The following FYN variants were observed in gnomAD, a reference collection of about 807,000 sequenced individuals.
The protein encoded by FYN is FYN proto-oncogene, Src family tyrosine kinase.
A neutral mutation model predicts 70.2 loss-of-function variants in FYN; 10 were observed. That is an observed-to-expected ratio of 0.14 (90% CI 0.09 to 0.24). The LOEUF is 0.24. Ranked by LOEUF, FYN falls within the 10% of genes least tolerant of loss-of-function variation. The pLI is 1.00. For missense variants in FYN, 319 were observed against 673.1 expected, an observed-to-expected ratio of 0.47 and a Z score of 5.82; for synonymous variants, 236 against 248.6, an observed-to-expected ratio of 0.95 and a Z score of 0.48.
At chr6:111,672,385 G>A (rs184146190) in intron 13 of FYN, among the ~76,000 whole-genome samples, 4 of 152,328 alleles carry the variant, frequency 2.6e-5, no homozygotes, top group Admixed American at 1.3e-4. Context: ...TGCAGGAGCC[G>A]CTGGAGTTAG....
intron 8 of FYN, among the ~76,000 whole-genome samples, chr6:111,702,031 T>G (rs1016673283): frequency 3.3e-5 from 5 of 152,206 alleles, no homozygotes; most frequent in Non-Finnish European, 7.3e-5. Context: ...GTCTTGCCTT[T>G]GTCCTGGAGA....
intron 2 of FYN, among the ~76,000 whole-genome samples, chr6:111,844,360 C>T (rs774676562): frequency 8.5e-5 from 13 of 152,136 alleles, no homozygotes; most frequent in Non-Finnish European, 1.6e-4. Context: ...CTGGAGTTGG[C>T]CAACAGGTAT....
At chr6:111,735,627 C>T (rs1801675933) in intron 3 of FYN, among the ~76,000 whole-genome samples, 1 of 152,120 alleles carries the variant, frequency 6.6e-6, no homozygotes. Flanking sequence ...TAGACACATA[C>T]TGAAGCTGGG....
intron 2 of FYN, among the ~76,000 whole-genome samples, chr6:111,781,801 T>C (rs915627592): frequency 6.6e-6 from 1 of 152,224 alleles, no homozygotes. Flanking sequence ...TATACTCTTA[T>C]ACAGTTATCA....
At chr6:111,710,965 G>A (rs780410209) in intron 5 of FYN, among the ~76,000 whole-genome samples, 3 of 152,140 alleles carry the variant, frequency 2.0e-5, no homozygotes, top group African/African-American at 4.8e-5. Flanking sequence ...AAAGCCTGGC[G>A]CTGGTTTAGA....
chr6:111,720,170 G>T, intron 3 of FYN, 108 bp from the exon 4 acceptor site: 4 of 1,278,112 alleles, frequency 3.1e-6, no homozygotes, highest in Non-Finnish European at 4.2e-6. Context: ...GGCTATTTCA[G>T]GCCTATTAGG....
At chr6:111,838,934 T>G (rs534047880) in intron 2 of FYN, among the ~76,000 whole-genome samples, 1 of 152,356 alleles carries the variant, frequency 6.6e-6, no homozygotes, top group East Asian at 1.9e-4. Flanking sequence ...ATCATATCAA[T>G]TTTACGATTC....
chr6:111,849,054 C>T (rs1773611271), intron 1 of FYN, among the ~76,000 whole-genome samples: 1 of 152,186 alleles, frequency 6.6e-6, no homozygotes, highest in South Asian at 2.1e-4. Context: ...TGTAGTTACA[C>T]AGACATTTTA....
At chr6:111,702,267 T>C (rs771312138) in intron 8 of FYN, 2 of 152,214 alleles carry the variant, frequency 1.3e-5, no homozygotes, top group African/African-American at 2.4e-5. Context: ...AATAATTATA[T>C]GTTTTCAGAA....
chr6:111,772,680 G>A (rs138913903), intron 3 of FYN, among the ~76,000 whole-genome samples: 1 of 152,182 alleles, frequency 6.6e-6, no homozygotes, highest in South Asian at 2.1e-4. Context: ...AGGAAGAGAA[G>A]AGCATGCTAA....
intron 2 of FYN, among the ~76,000 whole-genome samples, chr6:111,810,120 C>T (rs1409548517): frequency 4.6e-5 from 7 of 152,084 alleles, no homozygotes; most frequent in Non-Finnish European, 8.8e-5. Flanking sequence ...TGAATCCTGT[C>T]TTGTTCATAA....
At chr6:111,737,563 T>C (rs565252979) in intron 3 of FYN, among the ~76,000 whole-genome samples, 2 of 152,336 alleles carry the variant, frequency 1.3e-5, no homozygotes, top group East Asian at 3.9e-4. Context: ...ACGGCTTCTG[T>C]GCCCTGCCAC....
At chr6:111,803,092 A>G (rs1049528645) in intron 2 of FYN, among the ~76,000 whole-genome samples, 1 of 152,220 alleles carries the variant, frequency 6.6e-6, no homozygotes, top group African/African-American at 2.4e-5. Context: ...GACTGTTCAC[A>G]AGATCCTCCA....
At chr6:111,781,481 T>C (rs1434522646) in intron 2 of FYN, among the ~76,000 whole-genome samples, 1 of 152,212 alleles carries the variant, frequency 6.6e-6, no homozygotes, top group Non-Finnish European at 1.5e-5. Flanking sequence ...ACACAGCCTG[T>C]CTTTCCTCAA....
chr6:111,867,918 A>G (rs1431351620), intron 1 of FYN, among the ~76,000 whole-genome samples: 2 of 152,158 alleles, frequency 1.3e-5, no homozygotes, highest in East Asian at 3.9e-4. Context: ...TTTCTCCTTC[A>G]GCTCTGTCAT....
At chr6:111,689,461 C>G (rs78730055) in intron 12 of FYN, among the ~76,000 whole-genome samples, 1 of 152,194 alleles carries the variant, frequency 6.6e-6, no homozygotes, top group Non-Finnish European at 1.5e-5. Context: ...CTGGAGAACA[C>G]AGCCCAGAGA....
chr6:111,744,699 G>A (rs1441699076), intron 3 of FYN, among the ~76,000 whole-genome samples: 4 of 152,124 alleles, frequency 2.6e-5, no homozygotes, highest in Non-Finnish European at 5.9e-5. Flanking sequence ...TGCCTGGTGG[G>A]AATGATGATC....
chr6:111,780,205 ATC>A (rs1384889036), intron 3 of FYN, among the ~76,000 whole-genome samples: 2 of 152,218 alleles, frequency 1.3e-5, no homozygotes, highest in Non-Finnish European at 2.9e-5. Flanking sequence ...GGTCACACGG[ATC>A]TCTCTGCTTT....
At chr6:111,820,483 C>A (rs1441610099) in intron 2 of FYN, among the ~76,000 whole-genome samples, 2 of 151,392 alleles carry the variant, frequency 1.3e-5, no homozygotes, top group Non-Finnish European at 2.9e-5. Context: ...TAGGAAATAA[C>A]CTGAGAAATA....
Sources: gnomAD v4.1 joint callset for allele counts (sites outside exome capture counted in the v4.1 genomes callset) on GRCh38, gnomAD v4.1.1 for gene constraint, MANE v1.5 for transcripts, NCBI Gene and HGNC (gene_info 2026-07-23, HGNC 2026-07-21) for gene names.